CACNA1C: variants seen among roughly 807,000 people sequenced by gnomAD.
The protein encoded by CACNA1C is calcium voltage-gated channel subunit alpha1 C.
A neutral mutation model predicts 229.0 loss-of-function variants in CACNA1C; 30 were observed. The ratio of observed to expected loss-of-function variants is 0.13; its 90% CI spans 0.10 to 0.18. The LOEUF (loss-of-function observed/expected upper bound fraction) is 0.18, where lower values mean the gene tolerates loss of function less well. Among genes scored for constraint, CACNA1C ranks in the 10% least tolerant of loss-of-function variants. The probability of loss-of-function intolerance (pLI) is 1.00; values close to 1 mark genes in which losing one functional copy is unlikely to be tolerated. For synonymous variants in CACNA1C, 1,114 were observed against 1,132.5 expected (o/e 0.98, Z 0.33); for missense variants, 1,658 against 2,845.0 (o/e 0.58, Z 9.49).
chr12:2,273,874 T>A (rs2086385742), intron 3 of CACNA1C, among the ~76,000 whole-genome samples: 3 of 152,184 alleles, frequency 2.0e-5, no homozygotes, highest in Admixed American at 6.5e-5. Context: ...TGCAAATGCC[T>A]GGACAGCACG....
chr12:2,032,536 G>A (rs1262883507), intron 1 of CACNA1C, among the ~76,000 whole-genome samples: 1 of 152,234 alleles, frequency 6.6e-6, no homozygotes, highest in African/African-American at 2.4e-5. Context: ...AAACAGGAAT[G>A]TTATTAGGGC....
rs926668186 is a variant in CACNA1C at position 2,575,504 on chromosome 12, C to T, written c.1896-6086C>T. 6.6e-5 allele frequency among the ~76,000 whole-genome samples: 10 copies of T among 152,172 alleles called. No homozygotes were observed. The highest frequency in any genetic ancestry group is 2.2e-4 in the African/African-American group (9 of 41,446). ...TGCTGGATGGATTCTACCTGCTTCC[C>T]CAGGTGGCCTCAGCCAATTCTCACT... On this transcript the variant is annotated intron_variant, in intron 13 of 46. Transcript: ENST00000399655. This position sits in a 1 kb window ranked among gnomAD's most constrained non-coding sequence, Gnocchi z 4.0.
intron 3 of CACNA1C, among the ~76,000 whole-genome samples, chr12:2,344,692 A>C (rs928465474): frequency 6.6e-6 from 1 of 151,868 alleles, no homozygotes; most frequent in Non-Finnish European, 1.5e-5. Context: ...ATGTGCGCCT[A>C]TGTGTGTCCC....
At chr12:1,976,959 G>A (rs2034574357) in intron 1 of CACNA1C, among the ~76,000 whole-genome samples, 1 of 152,142 alleles carries the variant, frequency 6.6e-6, no homozygotes, top group Non-Finnish European at 1.5e-5. Flanking sequence ...GTGACTCACA[G>A]AAGATTAGGA....
At chr12:2,009,980 G>GA (rs79684069) in intron 1 of CACNA1C, among the ~76,000 whole-genome samples, 193 of 151,698 alleles carry the variant, frequency 1.3e-3, no homozygotes, top group African/African-American at 4.1e-3. Context: ...ACTGCAAATA[G>GA]AAAAAAAACC....
chr12:2,430,025 G>C (rs2099067702), intron 3 of CACNA1C, among the ~76,000 whole-genome samples: 1 of 152,310 alleles, frequency 6.6e-6, no homozygotes, highest in East Asian at 1.9e-4. Context: ...AGGTTGGGAA[G>C]TCCAAGATCA....
At chr12:2,340,117 C>T (rs570568683) in intron 3 of CACNA1C, among the ~76,000 whole-genome samples, 16 of 152,196 alleles carry the variant, frequency 1.1e-4, no homozygotes, top group African/African-American at 3.4e-4. Flanking sequence ...TTGGTGAGCA[C>T]GAAGCTGTTT....
In CACNA1C at chr12:2,148,215, T is replaced by A. The variant is rs2094900411; in HGVS notation, c.477+27785T>A. ...ACAGAAATCTCTGATAAATCTCTTA[T>A]GAACTAAACTCCCTGTTGCCCGATG... On this transcript the variant is annotated intron_variant, in intron 3 of 46. Transcript: ENST00000399655. 2.6e-5 allele frequency among the ~76,000 whole-genome samples: 4 copies of A among 151,294 alleles called. 1 individual carries two copies. The highest frequency in any genetic ancestry group is 9.7e-5 in the African/African-American group (4 of 41,378).
chr12:2,344,564 G>A (rs2096954940), intron 3 of CACNA1C, among the ~76,000 whole-genome samples: 1 of 152,146 alleles, frequency 6.6e-6, no homozygotes, highest in South Asian at 2.1e-4. Flanking sequence ...AGAATGTGAA[G>A]ATACATGGCC....
At chr12:2,345,845 TA>T (rs1184896287) in intron 3 of CACNA1C, among the ~76,000 whole-genome samples, 8 of 152,154 alleles carry the variant, frequency 5.3e-5, no homozygotes, top group Non-Finnish European at 2.9e-5. Context: ...GTGAGATGTT[TA>T]TGCTTTTGAA....
intron 2 of CACNA1C, among the ~76,000 whole-genome samples, chr12:2,119,998 T>C (rs540117478): frequency 1.3e-5 from 2 of 152,242 alleles, no homozygotes; most frequent in Admixed American, 6.5e-5. Context: ...CCATGCTCTT[T>C]AGAGGCAACC....
intron 1 of CACNA1C, among the ~76,000 whole-genome samples, chr12:2,030,685 C>T (rs930534758): frequency 4.6e-5 from 7 of 152,160 alleles, no homozygotes; most frequent in South Asian, 4.1e-4. Flanking sequence ...TTCTGGAGCC[C>T]GGGCACAGGC....
At position 2,486,761 on chromosome 12, in the gene CACNA1C, T is replaced by G. The variant is rs1297404335; in HGVS notation, c.916+499T>G. On this transcript the variant is annotated intron_variant, in intron 6 of 46. Coordinates refer to ENST00000399655, the MANE Select transcript of CACNA1C (RefSeq NM_000719.7). This position sits in a 1 kb window ranked among gnomAD's most constrained non-coding sequence, Gnocchi z 4.9. ...CTGATTCCAGATCCTCTGTAATTATTGTTTCTGCTTCTCCATTCACAGGCA... is the reference window on the plus strand; with the variant it reads ...CTGATTCCAGATCCTCTGTAATTATGGTTTCTGCTTCTCCATTCACAGGCA... Among the ~76,000 whole-genome samples the G allele has an allele frequency of 1.3e-5, 2 of 152,302 alleles. No homozygotes were observed. Among genetic ancestry groups the G allele is most frequent in the East Asian group, 3.9e-4 (2 of 5,178 alleles).
chr12:2,115,679 A>G (rs2083530864), intron 2 of CACNA1C, 134 bp downstream of exon 2: 1 of 765,464 alleles, frequency 1.3e-6, no homozygotes, highest in Non-Finnish European at 2.1e-6. Context: ...CTGCATCTGC[A>G]TCACTGGGGT....
intron 1 of CACNA1C, among the ~76,000 whole-genome samples, chr12:2,062,439 T>C (rs1317696749): frequency 6.6e-6 from 1 of 152,206 alleles, no homozygotes; most frequent in East Asian, 1.9e-4. Context: ...TTCAAAACAT[T>C]TGCTCTTTCT....
chr12:2,176,563 TGGG>T (rs1375567702), intron 3 of CACNA1C, among the ~76,000 whole-genome samples: 1 of 146,072 alleles, frequency 6.8e-6, no homozygotes, highest in Admixed American at 6.8e-5. Flanking sequence ...TAGGGCCTAT[TGGG>T]GGGGTTGGAG....
chr12:2,508,977 T>C (rs2099777716), intron 8 of CACNA1C, among the ~76,000 whole-genome samples: 1 of 152,198 alleles, frequency 6.6e-6, no homozygotes, highest in Non-Finnish European at 1.5e-5. Flanking sequence ...AAATTGCACT[T>C]GAAGCTGTAA....
intron 3 of CACNA1C, among the ~76,000 whole-genome samples, chr12:2,332,688 A>C (rs2096582356): frequency 6.6e-6 from 1 of 152,250 alleles, no homozygotes; most frequent in South Asian, 2.1e-4. Context: ...CTACCATGGA[A>C]TAGGATGTGC....
chr12:2,308,256 A>AT (rs1245264146), intron 3 of CACNA1C, among the ~76,000 whole-genome samples: 2 of 151,922 alleles, frequency 1.3e-5, no homozygotes, highest in Admixed American at 1.3e-4. Flanking sequence ...TCTTTTTAAA[A>AT]TTTTTTTTGT....
Sources: gnomAD v4.1 joint callset for allele counts (sites outside exome capture counted in the v4.1 genomes callset) on GRCh38, gnomAD v4.1.1 for gene constraint, Gnocchi (gnomAD v3.1) non-coding constraint, MANE v1.5 for transcripts, NCBI Gene and HGNC (gene_info 2026-07-23, HGNC 2026-07-21) for gene names.